The following ZBTB26 variants were observed in gnomAD, a reference collection of about 807,000 sequenced individuals.
ZBTB26 encodes the protein zinc finger and BTB domain-containing protein 26.
In ZBTB26, 12 loss-of-function variants were observed where a neutral mutation model predicts 31.6. That is an observed-to-expected ratio of 0.38 (90% CI 0.24 to 0.61). The LOEUF (loss-of-function observed/expected upper bound fraction) is 0.61, where lower values mean the gene tolerates loss of function less well. Among genes scored for constraint, ZBTB26 ranks in the 20% least tolerant of loss-of-function variants. The probability of loss-of-function intolerance (pLI) is 0.60; values close to 1 mark genes in which losing one functional copy is unlikely to be tolerated. For synonymous variants in ZBTB26, 155 were observed against 182.9 expected (o/e 0.85, Z 1.23); for missense variants, 311 against 521.9 (o/e 0.60, Z 3.94).
chr9:122,920,964 C>T (rs942834924), intron 1 of ZBTB26, among the ~76,000 whole-genome samples: 1 of 152,178 alleles, frequency 6.6e-6, no homozygotes, highest in Non-Finnish European at 1.5e-5. Flanking sequence ...TCTGATTATA[C>T]CCCACCCCTG....
intron 1 of ZBTB26, among the ~76,000 whole-genome samples, chr9:122,922,749 G>C (rs1041987488): frequency 6.6e-6 from 1 of 152,148 alleles, no homozygotes; most frequent in African/African-American, 2.4e-5. Context: ...TGATGGCCTA[G>C]AAAGAAATAA....
Position 122,923,196 on chromosome 9 carries a change from GA to G in ZBTB26, c.-10-3253del, listed in dbSNP as rs78529702. 7.1e-3 allele frequency among the ~76,000 whole-genome samples: 766 copies of G among 108,420 alleles called. 3 individuals carry two copies. The highest frequency in any genetic ancestry group is 0.023 in the African/African-American group (716 of 31,096). 71.1% of individuals were successfully genotyped at this position (108,420 alleles called of 152,430 possible). A position where few individuals can be genotyped will look rare whatever the true frequency, so the allele number is the denominator to read the frequency against. Reference sequence around the variant, plus strand: ...AAGACTCCATCTCAAAAAAAAAAAAGAAAAAAAAAAAAGAAAGAGAGGTGAA... The same window carrying G: ...AAGACTCCATCTCAAAAAAAAAAAAGAAAAAAAAAAAGAAAGAGAGGTGAA... On this transcript the variant is annotated intron_variant, in intron 1 of 1. Coordinates refer to ENST00000373656, the MANE Select transcript of ZBTB26 (RefSeq NM_020924.4).
intron 1 of ZBTB26, among the ~76,000 whole-genome samples, chr9:122,926,506 C>CAAAA (rs1022523849): frequency 3.2e-5 from 2 of 62,138 alleles, no homozygotes; most frequent in Non-Finnish European, 3.3e-5. Context: ...GACTCCGTCT[C>CAAAA]AAAAAAAAAA....
intron 1 of ZBTB26, among the ~76,000 whole-genome samples, chr9:122,922,844 G>A (rs1409855493): frequency 6.6e-6 from 1 of 152,170 alleles, no homozygotes; most frequent in Non-Finnish European, 1.5e-5. Flanking sequence ...TGAATAAAAG[G>A]AATGTGTAAA....
chr9:122,929,811 T>C (rs1833239176), intron 1 of ZBTB26, among the ~76,000 whole-genome samples: 1 of 152,186 alleles, frequency 6.6e-6, no homozygotes, highest in Non-Finnish European at 1.5e-5. Context: ...GACCTCTTCA[T>C]AAAGAAATGC....
At position 122,919,490 on chromosome 9, in the gene ZBTB26, T is replaced by C. The variant is rs1833064217; in HGVS notation, c.445A>G (p.Lys149Glu). The change falls in exon 2 of 2, where the codon AAA becomes GAA. Residue 149 changes from lysine to glutamate, a missense_variant. By Grantham distance (56) the Lys-to-Glu change is moderately conservative (BLOSUM62 1). This residue lies in a region of ZBTB26 where 207 missense variants were observed against 298.6 expected (regional missense o/e 0.69). Coordinates refer to ENST00000373656, the MANE Select transcript of ZBTB26 (RefSeq NM_020924.4). This position sits in a 1 kb window ranked among gnomAD's most constrained non-coding sequence, Gnocchi z 6.1. ...CCTCTGGCATCTCCCTGCTGTTCTT[T>C]TGACTGGGGAGAAGCACTCTGTGGT... ...CEPQSASPQS[K>E]EQQGDARGSP... is the part of the protein sequence containing the mutation. The C allele has an allele frequency of 2.4e-5, 38 of 1,614,202 alleles. No homozygotes were observed. Among genetic ancestry groups the C allele is most frequent in the Non-Finnish European group, 3.1e-5 (37 of 1,180,028 alleles).
chr9:122,929,506 G>A (rs1004969195), intron 1 of ZBTB26, among the ~76,000 whole-genome samples: 4 of 152,084 alleles, frequency 2.6e-5, no homozygotes, highest in Non-Finnish European at 5.9e-5. Context: ...ACTACTTTCT[G>A]TGTAAACTCA....
chr9:122,925,999 T>G (rs1833172873), intron 1 of ZBTB26, among the ~76,000 whole-genome samples: 1 of 151,938 alleles, frequency 6.6e-6, no homozygotes, highest in Non-Finnish European at 1.5e-5. Context: ...ACCCGGGTGA[T>G]TCACCTGCTT....
chr9:122,919,265 TTGAA>T lies in ZBTB26; in HGVS notation c.666_669del (p.Asn222LysfsTer7). 6.2e-7 allele frequency: 1 copy of T among 1,614,250 alleles called. No individual in the cohort carries two copies. Among genetic ancestry groups the T allele is most frequent in the Non-Finnish European group, 8.5e-7 (1 of 1,180,044 alleles). On this transcript the variant is annotated frameshift_variant, in exon 2 of 2. Coordinates refer to ENST00000373656, the MANE Select transcript of ZBTB26 (RefSeq NM_020924.4). LOFTEE classifies it high-confidence loss of function. The surrounding 1 kb of genome is among the most constrained non-coding windows in gnomAD (Gnocchi z 6.1). ...ATTTCACTTACTCTGTTTTCCACAG[TTGAA>T]TTTATCAGGGAGTGCTGGGGCTCTG...
chr9:122,919,875 T>A lies in ZBTB26; in HGVS notation c.60A>T (p.Leu20Phe). ...FKFENYGDSM[L>F]QKMNKLREEN... ...CTTCTCTTAATTTGTTCATTTTTTG[T>A]AACATTGAATCTCCATAATTTTCAA... The change falls in exon 2 of 2, where the codon TTA (leucine) becomes TTT (phenylalanine). Residue 20 changes from leucine to phenylalanine, a missense_variant. Around this residue, in one of 5 missense-constraint regions of ZBTB26, gnomAD observed 25 missense variants for 32.3 expected, o/e 0.77. Transcript: ENST00000373656. The surrounding 1 kb of genome is among the most constrained non-coding windows in gnomAD (Gnocchi z 6.1). The A allele has an allele frequency of 6.2e-7, 1 of 1,612,150 alleles. No homozygotes were observed. Among genetic ancestry groups the A allele is most frequent in the Non-Finnish European group, 8.5e-7 (1 of 1,179,144 alleles).
At chr9:122,926,346 C>CAA (rs760444151) in intron 1 of ZBTB26, among the ~76,000 whole-genome samples, 2 of 144,908 alleles carry the variant, frequency 1.4e-5, no homozygotes, top group Non-Finnish European at 3.0e-5. Context: ...ACTAAAACTA[C>CAA]AAAAAAAAAA....
rs374467496 is a variant in ZBTB26, at chr9:122,926,431, C to T, written c.-11+5006G>A. ...CTGAGGCAGGAGAATGGCGTGAACC[C>T]GGGAGGTGGAGCTTGCAGTGAGCTG... On this transcript the variant is annotated intron_variant, in intron 1 of 1. Coordinates refer to ENST00000373656, the MANE Select transcript of ZBTB26 (RefSeq NM_020924.4). Among the ~76,000 whole-genome samples, 27 of 150,268 alleles carry T rather than the reference C, an allele frequency of 1.8e-4. No individual in the cohort carries two copies. The South Asian group carries it at 4.9e-3, about 27-fold the overall frequency.
At position 122,917,294 on chromosome 9, in the gene ZBTB26, C is replaced by A. The variant is rs1002226353; in HGVS notation, c.*1315G>T. On this transcript the variant is annotated 3_prime_UTR_variant, in exon 2 of 2. Transcript: ENST00000373656. ...TTAGTTATACCTTGGTCAATATTGG[C>A]CAGGCCACCTCTTCAGGCTTTGGAT... The A allele has an allele frequency of 6.6e-6, 1 of 152,134 alleles. No individual in the cohort carries two copies. The highest frequency in any genetic ancestry group is 2.4e-5 in the African/African-American group (1 of 41,416). 9.4% of individuals were successfully genotyped at this position (152,134 alleles called of 1,614,324 possible).
At chr9:122,926,143 C>G (rs1412675978) in intron 1 of ZBTB26, among the ~76,000 whole-genome samples, 2 of 152,010 alleles carry the variant, frequency 1.3e-5, no homozygotes, top group Non-Finnish European at 2.9e-5. Flanking sequence ...AATCTGTCTG[C>G]CTCAGCCTCC....
chr9:122,923,269 A>G (rs771898582), intron 1 of ZBTB26, among the ~76,000 whole-genome samples: 3 of 152,080 alleles, frequency 2.0e-5, no homozygotes, highest in Non-Finnish European at 4.4e-5. Flanking sequence ...AAGAAGTAAT[A>G]AGTATATTAA....
In ZBTB26 at chr9:122,916,611, G is replaced by A. The variant is rs1284502102; in HGVS notation, c.*1998C>T. ...AATGCTGTTTGGTTGACAGGGTAGA[G>A]TCTCACTATTGCATAGAATTGGTAC... is the stretch of plus-strand genomic sequence containing the variant. On this transcript the variant is annotated 3_prime_UTR_variant, in exon 2 of 2. Transcript: ENST00000373656. 1 of 152,168 alleles carries A rather than the reference G, an allele frequency of 6.6e-6. No homozygotes were observed. The highest frequency in any genetic ancestry group is 3.2e-3 in the Middle Eastern group (1 of 316). The allele number at this position is 152,168 out of a possible 1,614,324, so 9.4% of individuals were successfully genotyped here.
intron 1 of ZBTB26, among the ~76,000 whole-genome samples, chr9:122,927,369 A>T (rs1179853608): frequency 6.6e-6 from 1 of 152,254 alleles, no homozygotes; most frequent in Non-Finnish European, 1.5e-5. Flanking sequence ...GCTATACTAC[A>T]GGCAGTGAGA....
rs7470145 is a variant in ZBTB26 at position 122,919,905 on chromosome 9, G to C, written c.30C>G (p.Phe10Leu). 12 of 1,601,396 alleles carry C rather than the reference G, an allele frequency of 7.5e-6. No homozygotes were observed. The highest frequency in any genetic ancestry group is 9.4e-6 in the Non-Finnish European group (11 of 1,174,188). Residue 10 changes from phenylalanine to leucine, a missense_variant, in exon 2 of 2, where the codon TTC becomes TTG. Coordinates refer to ENST00000373656, the MANE Select transcript of ZBTB26 (RefSeq NM_020924.4). The surrounding 1 kb of genome is among the most constrained non-coding windows in gnomAD (Gnocchi z 6.1). Reference sequence around the variant, plus strand: ...TTGAATCTCCATAATTTTCAAACTTGAAGTGAAGGAGATCTGATCTTTCAG... The same window carrying C: ...TTGAATCTCCATAATTTTCAAACTTCAAGTGAAGGAGATCTGATCTTTCAG... MSERSDLLHFKFENYGDSML... is the reference protein window; with the variant it reads MSERSDLLHLKFENYGDSML...
chr9:122,930,957 T>TCCCGAAAACTGGAG (rs1833270214), intron 1 of ZBTB26: 4 of 152,260 alleles, frequency 2.6e-5, no homozygotes, highest in African/African-American at 9.6e-5. Flanking sequence ...ACTGGAACAA[T>TCCCGAAAACTGGAG]ATCTTGCCAA....
Sources: gnomAD v4.1 joint callset for allele counts (sites outside exome capture counted in the v4.1 genomes callset) on GRCh38, gnomAD v4.1.1 for gene constraint, gnomAD v4.1.1 regional missense constraint, Gnocchi (gnomAD v3.1) non-coding constraint, MANE v1.5 for transcripts, NCBI Gene and HGNC (gene_info 2026-07-23, HGNC 2026-07-21) for gene names.